Variants in TMC3 observed in about 807,000 individuals in gnomAD.
The protein encoded by TMC3 is transmembrane channel-like protein 3.
In TMC3, 98 loss-of-function variants were observed where a neutral mutation model predicts 110.6. That is an observed-to-expected ratio of 0.89 (90% CI 0.75 to 1.05). The LOEUF is 1.05. Among genes scored for constraint, TMC3 ranks in the 50% least tolerant of loss-of-function variants. The probability of loss-of-function intolerance (pLI) is 0.00; values close to 1 mark genes in which losing one functional copy is unlikely to be tolerated. For synonymous variants in TMC3, 489 were observed against 513.1 expected, an observed-to-expected ratio of 0.95 and a Z score of 0.63; for missense variants, 1,319 against 1,373.2, an observed-to-expected ratio of 0.96 and a Z score of 0.62.
intron 11 of TMC3, among the ~76,000 whole-genome samples, chr15:81,348,904 C>T (rs1185282985): frequency 6.6e-6 from 1 of 152,236 alleles, no homozygotes; most frequent in African/African-American, 2.4e-5. Flanking sequence ...CTTGACTCAA[C>T]CTCTGCCAAG....
chr15:81,333,295 C>G lies in TMC3; in HGVS notation c.2460-33G>C, dbSNP rs76043799. 2.6e-3 allele frequency: 4,149 copies of G among 1,569,600 alleles called. 130 individuals are homozygous for G. The African/African-American group carries it at 0.05, about 19-fold the overall frequency. ...ACAGGGGCGGTTAAGTAGCTGTGGCCTTGGTGGTCTCAGAGCCCCACACCT... is the reference window on the plus strand; with the variant it reads ...ACAGGGGCGGTTAAGTAGCTGTGGCGTTGGTGGTCTCAGAGCCCCACACCT... On this transcript the variant is annotated intron_variant, in intron 21 of 21. Coordinates refer to ENST00000359440, the MANE Select transcript of TMC3 (RefSeq NM_001080532.3).
At chr15:81,363,990 C>T (rs1245707807) in intron 3 of TMC3, among the ~76,000 whole-genome samples, 1 of 152,224 alleles carries the variant, frequency 6.6e-6, no homozygotes, top group African/African-American at 2.4e-5. Flanking sequence ...ATCTATCTCA[C>T]TATGTGTCCC....
Position 81,356,612 on chromosome 15 carries a change from A to G in TMC3, c.744-18T>C, listed in dbSNP as rs1281404291. 2 of 1,579,402 alleles carry G rather than the reference A, an allele frequency of 1.3e-6. No individual in the cohort carries two copies. Among genetic ancestry groups the G allele is most frequent in the East Asian group, 2.3e-5 (1 of 43,260 alleles). ...TAGCCATCCTGCAAAAGAGGAGCAC[A>G]AACAGGTCTTGGGAGTCTCAGGAAT... On this transcript the variant is annotated intron_variant, in intron 7 of 21. Transcript: ENST00000359440.
Position 81,362,317 on chromosome 15 carries a change from C to T in TMC3, c.313-16G>A, listed in dbSNP as rs758725956. The T allele has an allele frequency of 6.2e-7, 1 of 1,605,920 alleles. No homozygotes were observed. Among genetic ancestry groups the T allele is most frequent in the South Asian group, 1.1e-5 (1 of 89,626 alleles). On this transcript the variant is annotated splice_polypyrimidine_tract_variant and intron_variant, in intron 3 of 21. Coordinates refer to ENST00000359440, the MANE Select transcript of TMC3 (RefSeq NM_001080532.3). The stretch of plus-strand genomic sequence containing the variant: ...TCCGCCAGAGCTAGACAAGAGGGGT[C>T]AGGATTAGAGAGGTCACGTACATGA...
intron 3 of TMC3, among the ~76,000 whole-genome samples, chr15:81,364,689 A>AAAAC (rs147191865): frequency 0.16 from 22,961 of 140,856 alleles, 3,699 homozygotes; most frequent in African/African-American, 0.43. Flanking sequence ...TAATAAAAAA[A>AAAAC]AACATTATTC....
At chr15:81,351,519 T>G (rs1006601700) in intron 10 of TMC3, among the ~76,000 whole-genome samples, 175 bp downstream of exon 10, 1 of 151,884 alleles carries the variant, frequency 6.6e-6, no homozygotes, top group Non-Finnish European at 1.5e-5. Context: ...GCCCAGCTAA[T>G]TTTTGTGTTT....
rs77997646 is a variant in TMC3 at position 81,374,090 on chromosome 15, A to G, written c.-13T>C. On this transcript the variant is annotated 5_prime_UTR_variant, in exon 1 of 22. Coordinates refer to ENST00000359440, the MANE Select transcript of TMC3 (RefSeq NM_001080532.3). ...TCGAGGTTTTCATGGGAGCTAACCC[A>G]CTGCTAACAATCAGAAGCTGGCCAG... 77,259 of 1,612,110 alleles carry G rather than the reference A, an allele frequency of 0.048. 2,195 individuals are homozygous for G. The highest frequency in any genetic ancestry group is 0.1 in the East Asian group (4,638 of 44,802).
At chr15:81,362,049 G>A (rs1894198515) in intron 4 of TMC3, 171 bp downstream of exon 4, 1 of 546,358 alleles carries the variant, frequency 1.8e-6, no homozygotes, top group Non-Finnish European at 3.3e-6. Context: ...AGGTGGTGGG[G>A]GCAGGTATCT....
chr15:81,360,648 T>C (rs888391548), intron 4 of TMC3, among the ~76,000 whole-genome samples: 1 of 149,910 alleles, frequency 6.7e-6, no homozygotes, highest in African/African-American at 2.4e-5. Flanking sequence ...AAGGGCACGA[T>C]CTTAGCTGCA....
Position 81,333,201 on chromosome 15 carries a change from T to C in TMC3, c.2521A>G (p.Met841Val). 6.2e-7 allele frequency: 1 copy of C among 1,614,002 alleles called. No individual in the cohort carries two copies. Among genetic ancestry groups the C allele is most frequent in the Non-Finnish European group, 8.5e-7 (1 of 1,179,878 alleles). Residue 841 changes from methionine (M) to valine (V), a missense_variant, in exon 22 of 22, where the codon ATG becomes GTG. Physicochemically the swap from Met to Val is conservative, Grantham distance 21. Transcript: ENST00000359440. Reference sequence around the variant, plus strand: ...TCTTCGATGTGCGTTGTAAATGTCATAGGTGTGCGCGATCTGTTCCTGTGA... The same window carrying C: ...TCTTCGATGTGCGTTGTAAATGTCACAGGTGTGCGCGATCTGTTCCTGTGA... ...DLHRNRSRTP[M>V]TFTTHIEDVH...
At chr15:81,360,367 C>T (rs980397473) in intron 4 of TMC3, among the ~76,000 whole-genome samples, 8 of 152,094 alleles carry the variant, frequency 5.3e-5, no homozygotes, top group African/African-American at 1.9e-4. Context: ...TTTTCTCTTG[C>T]CAAAAATACT....
intron 16 of TMC3, among the ~76,000 whole-genome samples, chr15:81,340,218 G>GTCTC (rs1328880414): frequency 1.6e-5 from 2 of 123,272 alleles, no homozygotes; most frequent in African/African-American, 4.2e-5. Flanking sequence ...GTCTCTCTCT[G>GTCTC]TCTCTGTCTC....
chr15:81,331,964 C>A lies in TMC3; in HGVS notation c.*455G>T, dbSNP rs1195567861. 1 of 155,444 alleles carries A rather than the reference C, an allele frequency of 6.4e-6. No individual in the cohort carries two copies. The highest frequency in any genetic ancestry group is 2.4e-5 in the African/African-American group (1 of 41,506). 9.6% of individuals were successfully genotyped at this position (155,444 alleles called of 1,614,324 possible). A position where few individuals can be genotyped will look rare whatever the true frequency, so the allele number is the denominator to read the frequency against. ...GGAAGCATGCCAACGTGTAAAACCC[C>A]AAGTCAAAGGTCAAACAGTGCACTG... On this transcript the variant is annotated 3_prime_UTR_variant, in exon 22 of 22. Transcript: ENST00000359440.
At position 81,341,464 on chromosome 15, in the gene TMC3, A is replaced by G. The variant is rs756121408; in HGVS notation, c.1770T>C (p.Ile590=). The stretch of plus-strand genomic sequence containing the variant: ...CCCAGCTTCTCAGGTACATGAGCCC[A>G]ATGAGTTTGAGAACGTTGAACGCTG... ...CLPAFNVLKL[I]GLMYLRSWAV... The change falls in exon 16 of 22, where the codon ATT becomes ATC. Residue 590 remains isoleucine, a synonymous_variant. Transcript: ENST00000359440. The G allele has an allele frequency of 2.5e-6, 4 of 1,611,700 alleles. No homozygotes were observed. The highest frequency in any genetic ancestry group is 3.4e-6 in the Non-Finnish European group (4 of 1,178,836).
intron 4 of TMC3, among the ~76,000 whole-genome samples, chr15:81,360,841 G>T (rs1894172389): frequency 6.6e-6 from 1 of 152,114 alleles, no homozygotes; most frequent in African/African-American, 2.4e-5. Flanking sequence ...CTCTGAAGGG[G>T]AGCAGCTGAG....
intron 18 of TMC3, among the ~76,000 whole-genome samples, chr15:81,338,146 C>G (rs1596079472): frequency 6.6e-6 from 1 of 152,146 alleles, no homozygotes; most frequent in Non-Finnish European, 1.5e-5. Context: ...TCCACAGCAC[C>G]CTCGTTGACC....
chr15:81,360,643 C>T (rs972888600), intron 4 of TMC3, among the ~76,000 whole-genome samples: 14 of 152,128 alleles, frequency 9.2e-5, no homozygotes, highest in African/African-American at 3.1e-4. Context: ...CAGGGAAGGG[C>T]ACGATCTTAG....
In TMC3 at chr15:81,368,390, G is replaced by T. The variant is rs1596098174; in HGVS notation, c.237-62C>A. The T allele has an allele frequency of 3.8e-6, 5 of 1,302,402 alleles. No individual in the cohort carries two copies. In the South Asian group the frequency reaches 4.7e-5, roughly 12 times the overall value. 80.7% of individuals were successfully genotyped at this position (1,302,402 alleles called of 1,614,324 possible). A position where few individuals can be genotyped will look rare whatever the true frequency, so the allele number is the denominator to read the frequency against. ...ATCACACTTACAATTTCTGCAAAAT[G>T]TGTAAAAATGCAACAGGAATAGGTT... On this transcript the variant is annotated intron_variant, in intron 2 of 21. Transcript: ENST00000359440.
Position 81,336,596 on chromosome 15 carries a change from C to T in TMC3, c.2203+13G>A, listed in dbSNP as rs764160928. 42 of 1,613,320 alleles carry T rather than the reference C, an allele frequency of 2.6e-5. No homozygotes were observed. Among genetic ancestry groups the T allele is most frequent in the South Asian group, 1.1e-4 (10 of 91,078 alleles). On this transcript the variant is annotated intron_variant, in intron 20 of 21. Transcript: ENST00000359440. Reference sequence around the variant, plus strand: ...ACAAAAAAACAACAACAAAAAGAAACGGAAATACTTACCTTCTACCATCTG... The same window carrying T: ...ACAAAAAAACAACAACAAAAAGAAATGGAAATACTTACCTTCTACCATCTG...
Sources: allele counts gnomAD v4.1 joint callset (sites outside exome capture counted in the v4.1 genomes callset), GRCh38; gene constraint gnomAD v4.1.1; transcripts MANE v1.5; gene names NCBI Gene and HGNC (gene_info 2026-07-23, HGNC 2026-07-21).